DCDC1: variants seen among roughly 807,000 people sequenced by gnomAD.
DCDC1 encodes the protein doublecortin domain-containing protein 1.
A neutral mutation model predicts 178.3 loss-of-function variants in DCDC1; 200 were observed. That is an observed-to-expected ratio of 1.12 (90% CI 1.00 to 1.26). DCDC1 has a LOEUF of 1.26. DCDC1 is among the 50% of genes most tolerant of loss of function. The pLI is 0.00. For synonymous variants in DCDC1, 690 were observed against 604.8 expected (o/e 1.14, Z -2.07); for missense variants, 1,983 against 1,749.2 (o/e 1.13, Z -2.38).
chr11:30,912,323 A>T (rs2134182696), intron 27 of DCDC1, among the ~76,000 whole-genome samples: 1 of 151,104 alleles, frequency 6.6e-6, no homozygotes, highest in Admixed American at 6.6e-5. Context: ...TCACTCTGTC[A>T]CCCGGGTTGG....
intron 8 of DCDC1, chr11:31,263,202 T>G: frequency 1.2e-6 from 1 of 835,728 alleles, no homozygotes. Flanking sequence ...AATCTGATGT[T>G]TTAATTCCAG....
At chr11:31,210,843 A>G (rs1468959768) in intron 9 of DCDC1, among the ~76,000 whole-genome samples, 2 of 152,208 alleles carry the variant, frequency 1.3e-5, no homozygotes, top group African/African-American at 4.8e-5. Flanking sequence ...CATTCAATAA[A>G]TAAAACCTTG....
intron 7 of DCDC1, among the ~76,000 whole-genome samples, chr11:31,288,311 T>C (rs920727920): frequency 6.6e-6 from 1 of 151,980 alleles, no homozygotes; most frequent in Admixed American, 6.6e-5. Flanking sequence ...TAGCACATGC[T>C]GTGTGATTAC....
intron 20 of DCDC1, among the ~76,000 whole-genome samples, chr11:31,049,415 A>G (rs1955090286): frequency 6.6e-6 from 1 of 152,208 alleles, no homozygotes; most frequent in South Asian, 2.1e-4. Context: ...TCTGGCAGAA[A>G]GAAGGTACTT....
intron 9 of DCDC1, among the ~76,000 whole-genome samples, chr11:31,171,246 C>A (rs1251659617): frequency 3.9e-5 from 6 of 152,052 alleles, no homozygotes; most frequent in African/African-American, 1.4e-4. Context: ...CTTTAAAGGG[C>A]CAGATAACAA....
chr11:30,933,371 A>G (rs1244627349), intron 21 of DCDC1, among the ~76,000 whole-genome samples: 1 of 152,068 alleles, frequency 6.6e-6, no homozygotes, highest in Non-Finnish European at 1.5e-5. Flanking sequence ...TTTTTCTTGA[A>G]TTTGTGTTAA....
intron 18 of DCDC1, among the ~76,000 whole-genome samples, chr11:31,073,422 C>A (rs1956686405): frequency 6.6e-6 from 1 of 152,150 alleles, no homozygotes; most frequent in Admixed American, 6.5e-5. Context: ...AAACTTGATT[C>A]TGCTTTTCTA....
intron 11 of DCDC1, 114 bp downstream of exon 11, chr11:31,127,355 G>T (rs1961784530): frequency 1.9e-6 from 1 of 526,822 alleles, no homozygotes; most frequent in Admixed American, 3.5e-5. Context: ...CCAGTTTGAG[G>T]AAGACAACAT....
rs1179305381 is a variant in DCDC1, at chr11:30,899,551, T to C, written c.4755A>G (p.Arg1585=). Residue 1585 remains arginine (R), a synonymous_variant, in exon 34 of 39, where the codon AGA becomes AGG. Coordinates refer to ENST00000684477, the MANE Select transcript of DCDC1 (RefSeq NM_001387274.1). ...ADLDTMRHKM[R]QLKGRRVAAC... ...ATAGTTCATACTGACCTTTTAACTG[T>C]CTCATTTTGTGTCTCATGGTATCTA... The C allele has an allele frequency of 6.4e-7, 1 of 1,569,182 alleles. No homozygotes were observed. The highest frequency in any genetic ancestry group is 8.6e-7 in the Non-Finnish European group (1 of 1,158,708).
chr11:31,159,105 T>C (rs1029270976), intron 9 of DCDC1, among the ~76,000 whole-genome samples: 1 of 152,162 alleles, frequency 6.6e-6, no homozygotes, highest in Non-Finnish European at 1.5e-5. Context: ...ATAACTTTAA[T>C]TAGACCAGAA....
intron 21 of DCDC1, among the ~76,000 whole-genome samples, chr11:30,945,097 T>C (rs891676287): frequency 6.7e-6 from 1 of 148,658 alleles, no homozygotes; most frequent in Non-Finnish European, 1.5e-5. Context: ...GCCTCCTGAG[T>C]AGCTGGGACT....
intron 9 of DCDC1, among the ~76,000 whole-genome samples, chr11:31,146,615 G>A (rs1964484548): frequency 2.0e-5 from 3 of 152,174 alleles, no homozygotes; most frequent in Admixed American, 1.3e-4. Flanking sequence ...GCTGCTGGAT[G>A]CCCCACTGGC....
chr11:31,003,465 G>A (rs1951683788), intron 20 of DCDC1, among the ~76,000 whole-genome samples: 1 of 152,198 alleles, frequency 6.6e-6, no homozygotes, highest in South Asian at 2.1e-4. Flanking sequence ...TGCTGAGATA[G>A]AAGCATGGGG....
At chr11:30,975,115 CA>C (rs1950032877) in intron 20 of DCDC1, among the ~76,000 whole-genome samples, 2 of 151,976 alleles carry the variant, frequency 1.3e-5, no homozygotes, top group Non-Finnish European at 2.9e-5. Context: ...GAATGAGGTA[CA>C]AAAACTGTAA....
chr11:31,086,140 A>G (rs1446298514), intron 17 of DCDC1, among the ~76,000 whole-genome samples: 1 of 152,186 alleles, frequency 6.6e-6, no homozygotes, highest in Non-Finnish European at 1.5e-5. Context: ...CATAAGGTAG[A>G]TGGATGCTTA....
At chr11:31,342,059 A>G (rs1950580348) in intron 1 of DCDC1, among the ~76,000 whole-genome samples, 1 of 152,202 alleles carries the variant, frequency 6.6e-6, no homozygotes, top group Non-Finnish European at 1.5e-5. Context: ...CAATAGTACC[A>G]GCAGCACCAA....
intron 21 of DCDC1, among the ~76,000 whole-genome samples, chr11:30,948,614 G>C (rs1444547562): frequency 6.6e-6 from 1 of 152,058 alleles, no homozygotes; most frequent in Non-Finnish European, 1.5e-5. Flanking sequence ...ATACTACAAG[G>C]TTACAGTAAC....
At chr11:30,916,071 CAG>C (rs887724489) in intron 26 of DCDC1, among the ~76,000 whole-genome samples, 7 of 152,074 alleles carry the variant, frequency 4.6e-5, no homozygotes, top group Non-Finnish European at 8.8e-5. Context: ...AGAATAAAAA[CAG>C]AGAAATAAAG....
At chr11:31,230,932 C>A (rs1975689358) in intron 9 of DCDC1, among the ~76,000 whole-genome samples, 1 of 151,934 alleles carries the variant, frequency 6.6e-6, no homozygotes, top group Admixed American at 6.6e-5. Flanking sequence ...AAAAACTCTT[C>A]TTTAACATTC....
Sources: allele counts gnomAD v4.1 joint callset (sites outside exome capture counted in the v4.1 genomes callset), GRCh38; gene constraint gnomAD v4.1.1; transcripts MANE v1.5; gene names NCBI Gene and HGNC (gene_info 2026-07-23, HGNC 2026-07-21).